Variants in ZNF385D observed in about 807,000 individuals in gnomAD.
The protein encoded by ZNF385D is zinc finger protein 659.
Under a neutral mutation model 35.8 loss-of-function variants are expected in ZNF385D, and 15 were observed. The ratio of observed to expected loss-of-function variants is 0.42; its 90% confidence interval spans 0.28 to 0.64. ZNF385D has a LOEUF of 0.64. Among genes scored for constraint, ZNF385D ranks in the 30% least tolerant of loss-of-function variants. The pLI is 0.23. For missense variants in ZNF385D, 474 were observed against 494.6 expected (o/e 0.96, Z 0.39); for synonymous variants, 212 against 186.8 (o/e 1.13, Z -1.10).
chr3:21,939,846 T>G (rs1165117756), intron 3 of ZNF385D, among the ~76,000 whole-genome samples: 2 of 152,148 alleles, frequency 1.3e-5, no homozygotes, highest in Non-Finnish European at 2.9e-5. Context: ...ATGTGAGAGA[T>G]CTATATAAGT....
chr3:22,247,871 G>A (rs1699869960), intron 2 of ZNF385D, among the ~76,000 whole-genome samples: 1 of 151,986 alleles, frequency 6.6e-6, no homozygotes, highest in South Asian at 2.1e-4. Flanking sequence ...CCAAAGTCCT[G>A]GGATCATAGG....
chr3:21,977,729 G>A (rs1157334701), intron 3 of ZNF385D, among the ~76,000 whole-genome samples: 5 of 151,930 alleles, frequency 3.3e-5, no homozygotes, highest in South Asian at 2.1e-4. Context: ...CCAGCTACTC[G>A]GGAGGCTGAA....
chr3:21,832,065 G>C (rs1695027466), intron 3 of ZNF385D, among the ~76,000 whole-genome samples: 1 of 105,262 alleles, frequency 9.5e-6, no homozygotes, highest in African/African-American at 4.0e-5. Flanking sequence ...AAATTTTCTA[G>C]ACAATGTTGT....
intron 2 of ZNF385D, among the ~76,000 whole-genome samples, chr3:22,279,597 T>TATATGTATATACATATACATATGTACATA (rs1701629746): frequency 6.9e-6 from 1 of 144,592 alleles, no homozygotes. Context: ...TATGTACATA[T>TATATGTATATACATATACATATGTACATA]ATATGTATAT....
At chr3:22,080,265 A>G (rs1700680411) in intron 3 of ZNF385D, among the ~76,000 whole-genome samples, 1 of 152,130 alleles carries the variant, frequency 6.6e-6, no homozygotes, top group Admixed American at 6.6e-5. Context: ...TAAAAGCACC[A>G]AAGTTCTAAT....
intron 3 of ZNF385D, among the ~76,000 whole-genome samples, chr3:21,815,920 C>CA (rs1342081520): frequency 6.6e-6 from 1 of 152,038 alleles, no homozygotes. Context: ...AACATCGATG[C>CA]AAAAATCCTC....
At chr3:21,953,402 C>A (rs1702152579) in intron 3 of ZNF385D, among the ~76,000 whole-genome samples, 1 of 151,910 alleles carries the variant, frequency 6.6e-6, no homozygotes, top group African/African-American at 2.4e-5. Context: ...ATATCATTCT[C>A]CTTTGATTCA....
intron 3 of ZNF385D, among the ~76,000 whole-genome samples, chr3:21,785,619 C>T (rs1328618020): frequency 6.6e-6 from 1 of 152,222 alleles, no homozygotes; most frequent in Admixed American, 6.5e-5. Flanking sequence ...AATTTCACTA[C>T]TTTAGATTTC....
chr3:21,809,396 T>C (rs2072803032), intron 3 of ZNF385D, among the ~76,000 whole-genome samples: 1 of 151,856 alleles, frequency 6.6e-6, no homozygotes, highest in Admixed American at 6.6e-5. Flanking sequence ...AAATATATAA[T>C]ATTGTCTAAT....
intron 2 of ZNF385D, among the ~76,000 whole-genome samples, chr3:21,578,412 T>A (rs980745896): frequency 1.3e-5 from 2 of 152,208 alleles, no homozygotes; most frequent in African/African-American, 4.8e-5. Flanking sequence ...CAGACCAATG[T>A]ACTAAAGTGT....
intron 1 of ZNF385D, among the ~76,000 whole-genome samples, chr3:21,728,105 G>A (rs544114635): frequency 7.2e-5 from 11 of 152,000 alleles, no homozygotes; most frequent in Admixed American, 4.6e-4. Context: ...ATGGACACAG[G>A]GAGTGAACAT....
intron 3 of ZNF385D, among the ~76,000 whole-genome samples, chr3:21,537,477 G>A (rs1266789526): frequency 6.6e-6 from 1 of 151,974 alleles, no homozygotes; most frequent in Admixed American, 6.5e-5. Flanking sequence ...ATGTGACCCT[G>A]TGCTAGTACA....
chr3:22,009,762 T>C (rs1304436946), intron 3 of ZNF385D, among the ~76,000 whole-genome samples: 1 of 152,086 alleles, frequency 6.6e-6, no homozygotes, highest in Non-Finnish European at 1.5e-5. Context: ...ATCTGGATAG[T>C]AGTCACTTCT....
chr3:21,924,708 G>C (rs1293709575), intron 3 of ZNF385D, among the ~76,000 whole-genome samples: 1 of 152,154 alleles, frequency 6.6e-6, no homozygotes, highest in Admixed American at 6.5e-5. Flanking sequence ...CATAGTGTTA[G>C]TGGAGACAAG....
At chr3:22,328,058 CAT>C (rs1341155612) in intron 2 of ZNF385D, among the ~76,000 whole-genome samples, 1 of 152,106 alleles carries the variant, frequency 6.6e-6, no homozygotes, top group Admixed American at 6.5e-5. Context: ...AAGTCTTTTA[CAT>C]ATGTCTTTTA....
At chr3:22,003,939 A>G (rs1032583471) in intron 3 of ZNF385D, among the ~76,000 whole-genome samples, 1 of 142,904 alleles carries the variant, frequency 7.0e-6, no homozygotes, top group South Asian at 2.5e-4. Context: ...CAAATAGTCA[A>G]AGCAATCCTG....
At chr3:22,057,527 T>C (rs1292784684) in intron 3 of ZNF385D, among the ~76,000 whole-genome samples, 2 of 151,700 alleles carry the variant, frequency 1.3e-5, no homozygotes, top group Non-Finnish European at 2.9e-5. Context: ...TTTTTTTTTT[T>C]GAGACAGAGT....
intron 2 of ZNF385D, among the ~76,000 whole-genome samples, chr3:22,344,047 G>C (rs887171642): frequency 2.6e-5 from 4 of 152,166 alleles, no homozygotes; most frequent in South Asian, 4.2e-4. Context: ...CCAGAAGATA[G>C]GGATCCCTCT....
At chr3:22,260,510 TA>T (rs970216167) in intron 2 of ZNF385D, among the ~76,000 whole-genome samples, 17 of 150,792 alleles carry the variant, frequency 1.1e-4, no homozygotes, top group Middle Eastern at 6.8e-3. Flanking sequence ...AACTTAAAAT[TA>T]AAAAAAAAGA....
Sources: gnomAD v4.1 joint callset for allele counts (sites outside exome capture counted in the v4.1 genomes callset) on GRCh38, gnomAD v4.1.1 for gene constraint, MANE v1.5 for transcripts, NCBI Gene and HGNC (gene_info 2026-07-23, HGNC 2026-07-21) for gene names.